SGCZ: variants seen among roughly 807,000 people sequenced by gnomAD.
SGCZ encodes sarcoglycan zeta, also known as zeta-sarcoglycan.
Under a neutral mutation model 41.3 loss-of-function variants are expected in SGCZ, and 40 were observed. That is an observed-to-expected ratio of 0.97 (90% CI 0.75 to 1.26). The LOEUF (loss-of-function observed/expected upper bound fraction) is 1.26. SGCZ is among the 50% of genes most tolerant of loss of function. The pLI, the probability that SGCZ is intolerant of heterozygous loss-of-function variation, is 0.00. For missense variants in SGCZ, 552 were observed against 369.8 expected (o/e 1.49, Z -4.04); for synonymous variants, 206 against 137.5 (o/e 1.50, Z -3.49).
rs181745580 is a variant in SGCZ, at chr8:14,612,246, G to A, written c.40-57320C>T. ...GGAGGGAACTGTTGCCAGGTGATTG[G>A]ATCATGGGGTCAGTCTCCTCCATGC... is the stretch of plus-strand genomic sequence containing the variant. On this transcript the variant is annotated intron_variant, in intron 1 of 7. Coordinates refer to ENST00000382080, the MANE Select transcript of SGCZ (RefSeq NM_139167.4). 2.6e-5 allele frequency among the ~76,000 whole-genome samples: 4 copies of A among 152,194 alleles called. 1 individual carries two copies. In the South Asian group the frequency reaches 8.3e-4, roughly 32 times the overall value.
intron 1 of SGCZ, among the ~76,000 whole-genome samples, chr8:14,593,307 G>C (rs952606903): frequency 6.6e-6 from 1 of 152,148 alleles, no homozygotes; most frequent in Non-Finnish European, 1.5e-5. Flanking sequence ...TGAGGAAAAG[G>C]CTACTAACCA....
chr8:14,512,051 A>G (rs1297221911), intron 2 of SGCZ, among the ~76,000 whole-genome samples: 1 of 152,178 alleles, frequency 6.6e-6, no homozygotes, highest in Non-Finnish European at 1.5e-5. Context: ...TTTCTAGACT[A>G]TCAAATATCC....
At chr8:14,464,674 G>A (rs1800998617) in intron 2 of SGCZ, among the ~76,000 whole-genome samples, 1 of 150,834 alleles carries the variant, frequency 6.6e-6, no homozygotes, top group Non-Finnish European at 1.5e-5. Context: ...CATTCTTTAA[G>A]TTATAAAGTT....
chr8:14,811,783 C>G (rs1001861958), intron 1 of SGCZ, among the ~76,000 whole-genome samples: 16 of 151,952 alleles, frequency 1.1e-4, no homozygotes, highest in African/African-American at 3.1e-4. Flanking sequence ...TCACTCAAAT[C>G]ATTTTCAAAG....
Position 14,790,014 on chromosome 8 carries a change from T to A in SGCZ, c.40-235088A>T, listed in dbSNP as rs139899140. 1.4e-3 allele frequency among the ~76,000 whole-genome samples: 211 copies of A among 152,288 alleles called. 1 individual carries two copies. The highest frequency in any genetic ancestry group is 4.8e-3 in the African/African-American group (199 of 41,560). ...ATTCATGTAAATAACATATAAATAA[T>A]AAATGTAAATTGAATACTTAAATCT... On this transcript the variant is annotated intron_variant, in intron 1 of 7. Transcript: ENST00000382080.
chr8:14,301,799 T>C (rs970736808), intron 3 of SGCZ, among the ~76,000 whole-genome samples: 1 of 152,196 alleles, frequency 6.6e-6, no homozygotes, highest in Non-Finnish European at 1.5e-5. Context: ...ACACATAGTT[T>C]TTAAGTTATG....
intron 2 of SGCZ, among the ~76,000 whole-genome samples, chr8:14,400,141 T>A (rs7813984): frequency 6.6e-6 from 1 of 152,052 alleles, no homozygotes; most frequent in Non-Finnish European, 1.5e-5. Flanking sequence ...GAGTAGCTTC[T>A]TTCACTTGGC....
At chr8:15,021,136 C>A (rs1348037999) in intron 1 of SGCZ, among the ~76,000 whole-genome samples, 1 of 152,098 alleles carries the variant, frequency 6.6e-6, no homozygotes, top group African/African-American at 2.4e-5. Flanking sequence ...CTAAAATTAT[C>A]CATATCAAAA....
chr8:14,340,231 A>C (rs1216515683), intron 2 of SGCZ, among the ~76,000 whole-genome samples: 1 of 152,016 alleles, frequency 6.6e-6, no homozygotes, highest in African/African-American at 2.4e-5. Context: ...ATTTCTTCCC[A>C]TGTTGCTAAC....
chr8:14,956,091 G>C (rs1173047231), intron 1 of SGCZ, among the ~76,000 whole-genome samples: 2 of 148,986 alleles, frequency 1.3e-5, no homozygotes, highest in Non-Finnish European at 3.0e-5. Flanking sequence ...TCAGGCTGGA[G>C]GGCAATGGCG....
chr8:14,962,395 TA>T, intron 1 of SGCZ, among the ~76,000 whole-genome samples: 1 of 152,108 alleles, frequency 6.6e-6, no homozygotes, highest in South Asian at 2.1e-4. Context: ...TGTATATATA[TA>T]TATATATCTG....
intron 1 of SGCZ, among the ~76,000 whole-genome samples, chr8:15,147,902 C>T (rs985284182): frequency 5.9e-5 from 9 of 152,134 alleles, no homozygotes; most frequent in African/African-American, 1.2e-4. Context: ...ATAAAAGGTA[C>T]ATTTTTGCTT....
rs893422135 is a variant in SGCZ, at chr8:14,804,570, G to C, written c.40-249644C>G. On this transcript the variant is annotated intron_variant, in intron 1 of 7. Transcript: ENST00000382080. ...AATGAGCAAAGCCTCCAAGAAATATGGGACTATGTGAAAAGACCAAATCTA... is the reference window on the plus strand; with the variant it reads ...AATGAGCAAAGCCTCCAAGAAATATCGGACTATGTGAAAAGACCAAATCTA... 2.9e-5 allele frequency among the ~76,000 whole-genome samples: 4 copies of C among 139,368 alleles called. No homozygotes were observed. In the South Asian group the frequency reaches 7.7e-4, roughly 27 times the overall value. 91.4% of individuals were successfully genotyped at this position (139,368 alleles called of 152,430 possible). A position where few individuals can be genotyped will look rare whatever the true frequency, so the allele number is the denominator to read the frequency against.
intron 1 of SGCZ, among the ~76,000 whole-genome samples, chr8:14,948,051 G>C (rs2130830908): frequency 6.6e-6 from 1 of 152,292 alleles, no homozygotes; most frequent in East Asian, 1.9e-4. Flanking sequence ...GAGAAGGACA[G>C]AAGAGAAGCT....
intron 1 of SGCZ, among the ~76,000 whole-genome samples, chr8:14,800,040 G>T (rs961686523): frequency 1.2e-4 from 19 of 152,182 alleles, no homozygotes; most frequent in African/African-American, 4.6e-4. Flanking sequence ...TTGCACAGAG[G>T]TTAGCTATTC....
intron 5 of SGCZ, among the ~76,000 whole-genome samples, chr8:14,122,555 CA>C (rs1163633989): frequency 6.6e-6 from 1 of 152,076 alleles, no homozygotes; most frequent in Non-Finnish European, 1.5e-5. Flanking sequence ...TGTGATTCAA[CA>C]AAATAGAATA....
chr8:14,184,214 AG>A (rs35030486), intron 4 of SGCZ, among the ~76,000 whole-genome samples: 31,559 of 151,978 alleles, frequency 0.21, 4,633 homozygotes, highest in African/African-American at 0.41. Context: ...TTTTGATCTG[AG>A]TGTAGTTTTA....
At chr8:14,909,428 G>C (rs552750262) in intron 1 of SGCZ, among the ~76,000 whole-genome samples, 4 of 152,012 alleles carry the variant, frequency 2.6e-5, no homozygotes, top group African/African-American at 9.6e-5. Flanking sequence ...TTACTGAATA[G>C]AATTCTGCCT....
chr8:14,318,981 T>C (rs1464553109), intron 3 of SGCZ, among the ~76,000 whole-genome samples: 1 of 151,580 alleles, frequency 6.6e-6, no homozygotes, highest in Non-Finnish European at 1.5e-5. Context: ...GCAAAACTTA[T>C]TTGAAAAAAA....
Sources: gnomAD v4.1 joint callset for allele counts (sites outside exome capture counted in the v4.1 genomes callset) on GRCh38, gnomAD v4.1.1 for gene constraint, MANE v1.5 for transcripts, NCBI Gene and HGNC (gene_info 2026-07-23, HGNC 2026-07-21) for gene names.